LSAMP: variants seen among roughly 807,000 people sequenced by gnomAD.
LSAMP encodes the protein limbic system-associated membrane protein.
Under a neutral mutation model 38.6 loss-of-function variants are expected in LSAMP, and 7 were observed. The observed-to-expected ratio is 0.18, with a 90% CI of 0.10 to 0.34. The LOEUF (loss-of-function observed/expected upper bound fraction) is 0.34, where lower values mean the gene tolerates loss of function less well. Ranked by LOEUF, LSAMP falls within the 10% of genes least tolerant of loss-of-function variation. The pLI is 1.00. For synonymous variants in LSAMP, 154 were observed against 166.8 expected (o/e 0.92, Z 0.59); for missense variants, 313 against 420.0 (o/e 0.75, Z 2.23).
At chr3:116,322,269 A>G (rs369082052) in intron 1 of LSAMP, among the ~76,000 whole-genome samples, 5 of 152,204 alleles carry the variant, frequency 3.3e-5, no homozygotes, top group Non-Finnish European at 7.4e-5. Flanking sequence ...CACTTTTGGT[A>G]TAGTAATTTT....
chr3:116,435,797 G>C (rs896016372), intron 1 of LSAMP, among the ~76,000 whole-genome samples: 1 of 152,142 alleles, frequency 6.6e-6, no homozygotes, highest in Non-Finnish European at 1.5e-5. Flanking sequence ...GGTGTTCAAA[G>C]AATATCTACA....
intron 3 of LSAMP, among the ~76,000 whole-genome samples, chr3:115,911,841 ATTTGGTGTTGCCATATTTT>A (rs1937142703): frequency 1.3e-5 from 2 of 152,154 alleles, no homozygotes; most frequent in Non-Finnish European, 1.5e-5. Flanking sequence ...CCTTCTCATC[ATTTGGTGTTGCCATATTTT>A]TTATTTTAGC....
chr3:115,953,433 AC>A (rs1300144137), intron 3 of LSAMP, among the ~76,000 whole-genome samples: 7 of 152,046 alleles, frequency 4.6e-5, no homozygotes, highest in African/African-American at 1.7e-4. Flanking sequence ...ACACACACAC[AC>A]ACACACACAA....
At position 115,810,243 on chromosome 3, in the gene LSAMP, C is replaced by G. The variant is rs1325213624; in HGVS notation, c.*74G>C. On this transcript the variant is annotated 3_prime_UTR_variant, in exon 7 of 7. Coordinates refer to ENST00000490035, the MANE Select transcript of LSAMP (RefSeq NM_002338.5). ...CCCATCTCTCTCTCTCTCTCTCTCTCTGTCTCTCTCTCTCTGTATTCTGTG... is the reference window on the plus strand; with the variant it reads ...CCCATCTCTCTCTCTCTCTCTCTCTGTGTCTCTCTCTCTCTGTATTCTGTG... The G allele has an allele frequency of 4.6e-4, 424 of 920,812 alleles. No individual in the cohort carries two copies. Among genetic ancestry groups the G allele is most frequent in the Non-Finnish European group, 5.6e-4 (343 of 614,700 alleles). 57.0% of individuals were successfully genotyped at this position (920,812 alleles called of 1,614,324 possible).
intron 1 of LSAMP, among the ~76,000 whole-genome samples, chr3:116,314,169 C>T (rs1293798425): frequency 6.6e-6 from 1 of 152,130 alleles, no homozygotes; most frequent in Non-Finnish European, 1.5e-5. Context: ...AGTTCCTAAC[C>T]CAATGTATTT....
chr3:116,222,998 A>T (rs1172811581), intron 1 of LSAMP, among the ~76,000 whole-genome samples: 1 of 151,950 alleles, frequency 6.6e-6, no homozygotes, highest in Non-Finnish European at 1.5e-5. Flanking sequence ...TCGGCCTCCC[A>T]AAGTGCTGGG....
rs111295826 is a variant in LSAMP, at chr3:116,201,814, A to G, written c.156-115258T>C. ...ACTCTTTCCTGACCAAGGAAAAGTG[A>G]GACTTATTTTAACCATCTGTGGAGA... On this transcript the variant is annotated intron_variant, in intron 1 of 6. Transcript: ENST00000490035. 4.3e-3 allele frequency among the ~76,000 whole-genome samples: 661 copies of G among 152,284 alleles called. 7 individuals carry two copies. Among genetic ancestry groups the G allele is most frequent in the African/African-American group, 0.015 (624 of 41,566 alleles).
At chr3:115,982,888 G>T (rs999455368) in intron 3 of LSAMP, among the ~76,000 whole-genome samples, 1 of 144,996 alleles carries the variant, frequency 6.9e-6, no homozygotes, top group Non-Finnish European at 1.5e-5. Flanking sequence ...TGGGTGCACC[G>T]TTATCTCTTT....
chr3:115,917,321 G>A (rs865967353), intron 3 of LSAMP, among the ~76,000 whole-genome samples: 5 of 151,966 alleles, frequency 3.3e-5, no homozygotes, highest in East Asian at 3.9e-4. Context: ...TGTTTATTAC[G>A]TACCTTTGCT....
intron 3 of LSAMP, among the ~76,000 whole-genome samples, chr3:116,014,046 C>T (rs1239954739): frequency 6.6e-6 from 1 of 152,086 alleles, no homozygotes; most frequent in Non-Finnish European, 1.5e-5. Context: ...CATAATGAAT[C>T]TAATTATGGG....
chr3:115,857,130 C>T (rs964973117), intron 3 of LSAMP, among the ~76,000 whole-genome samples: 5 of 152,286 alleles, frequency 3.3e-5, no homozygotes, highest in Non-Finnish European at 5.9e-5. Context: ...GTGGAGTTAT[C>T]GTTTTGGAAA....
chr3:116,251,785 T>A (rs1045947616), intron 1 of LSAMP, among the ~76,000 whole-genome samples: 2 of 152,234 alleles, frequency 1.3e-5, no homozygotes, highest in African/African-American at 2.4e-5. Flanking sequence ...AACTTGCTTT[T>A]CTTACACAAG....
chr3:116,404,160 C>T (rs929487322), intron 1 of LSAMP, among the ~76,000 whole-genome samples: 5 of 151,820 alleles, frequency 3.3e-5, no homozygotes, highest in Non-Finnish European at 7.4e-5. Context: ...GAAATGTTAC[C>T]ATGTATTTTT....
At chr3:116,389,768 G>A (rs2048668768) in intron 1 of LSAMP, among the ~76,000 whole-genome samples, 2 of 152,170 alleles carry the variant, frequency 1.3e-5, no homozygotes, top group South Asian at 4.2e-4. Context: ...ATCCTCTACT[G>A]ACTTCTGAAC....
At chr3:116,255,646 A>G (rs1407218227) in intron 1 of LSAMP, among the ~76,000 whole-genome samples, 1 of 152,134 alleles carries the variant, frequency 6.6e-6, no homozygotes, top group African/African-American at 2.4e-5. Flanking sequence ...CACCTACCTT[A>G]CAATTTGCTA....
At chr3:116,375,198 G>A (rs1231436061) in intron 1 of LSAMP, among the ~76,000 whole-genome samples, 1 of 151,844 alleles carries the variant, frequency 6.6e-6, no homozygotes, top group Non-Finnish European at 1.5e-5. Context: ...GAGAAGAAAA[G>A]GTGGCTATTT....
intron 3 of LSAMP, among the ~76,000 whole-genome samples, chr3:115,939,734 A>G (rs1470349630): frequency 6.6e-6 from 1 of 151,822 alleles, no homozygotes; most frequent in Non-Finnish European, 1.5e-5. Context: ...ATTTTATTTT[A>G]TTTTTGTAGA....
chr3:115,981,925 A>T (rs1416053182), intron 3 of LSAMP, among the ~76,000 whole-genome samples: 1 of 152,236 alleles, frequency 6.6e-6, no homozygotes, highest in Non-Finnish European at 1.5e-5. Context: ...ATGTGTGACT[A>T]GGTGTCTAAG....
intron 3 of LSAMP, 145 bp from the exon 4 acceptor site, chr3:115,852,762 G>A (rs1484614319): frequency 1.8e-5 from 14 of 785,458 alleles, no homozygotes; most frequent in Non-Finnish European, 1.9e-6. Context: ...TTCCACAGAA[G>A]CAGACCTCAA....
Sources: allele counts gnomAD v4.1 joint callset (sites outside exome capture counted in the v4.1 genomes callset), GRCh38; gene constraint gnomAD v4.1.1; transcripts MANE v1.5; gene names NCBI Gene and HGNC (gene_info 2026-07-23, HGNC 2026-07-21).